The following ACCSL variants were observed in gnomAD, a reference collection of about 807,000 sequenced individuals.
ACCSL encodes the protein probable inactive 1-aminocyclopropane-1-carboxylate synthase-like protein 2.
ACCSL carries 55 observed loss-of-function variants against 61.7 expected under a neutral mutation model. That is an observed-to-expected ratio of 0.89 (90% CI 0.72 to 1.12). The LOEUF is 1.12. Ranked by LOEUF, ACCSL falls within the 50% of genes most tolerant of loss-of-function variation. ACCSL has a pLI of 0.00. For missense variants in ACCSL, 632 were observed against 698.0 expected (o/e 0.91, Z 1.07); for synonymous variants, 258 against 264.3 (o/e 0.98, Z 0.23).
the ACCSL span, among the ~76,000 whole-genome samples, chr11:44,017,219 A>G: frequency 1.3e-5 from 2 of 152,156 alleles, no homozygotes. Context: ...AGGAGGAGGT[A>G]GAATTTGAGC....
At position 44,052,716 on chromosome 11, in the gene ACCSL, T is replaced by A; in HGVS notation, c.827T>A (p.Leu276Gln). The change falls in exon 6 of 14, where the codon CTG becomes CAG. Residue 276 changes from leucine (L) to glutamine (Q), a missense_variant. Leu to Gln is a moderately radical substitution (Grantham distance 113). Coordinates refer to ENST00000378832, the MANE Select transcript of ACCSL (RefSeq NM_001031854.2). ...GGTGGCTTTGCCTTTAGCTCCCGCC[T>A]GTATGCAAAGGTTGAGTTGATTCCT... is the stretch of plus-strand genomic sequence containing the variant. ...FYGGFAFSSR[L>Q]YAKVELIPVH... The A allele has an allele frequency of 6.2e-7, 1 of 1,614,170 alleles. No homozygotes were observed. The highest frequency in any genetic ancestry group is 8.5e-7 in the Non-Finnish European group (1 of 1,180,022).
Sources: gnomAD v4.1 joint callset for allele counts (sites outside exome capture counted in the v4.1 genomes callset) on GRCh38, gnomAD v4.1.1 for gene constraint, MANE v1.5 for transcripts, NCBI Gene and HGNC (gene_info 2026-07-23, HGNC 2026-07-21) for gene names.